Variants in PDE4DIP observed in about 807,000 individuals in gnomAD.
PDE4DIP encodes the protein phosphodiesterase 4D interacting protein, also known as myomegalin.
PDE4DIP carries 59 observed loss-of-function variants against 221.4 expected under a neutral mutation model. That is an observed-to-expected ratio of 0.27 (90% confidence interval 0.22 to 0.33). The LOEUF (loss-of-function observed/expected upper bound fraction) is 0.33. Among genes scored for constraint, PDE4DIP ranks in the 10% least tolerant of loss-of-function variants. The probability of loss-of-function intolerance (pLI) is 1.00; values close to 1 mark genes in which losing one functional copy is unlikely to be tolerated. For synonymous variants in PDE4DIP, 404 were observed against 815.9 expected (o/e 0.50, Z 8.60); for missense variants, 1,036 against 2,154.2 (o/e 0.48, Z 10.28).
At chr1:148,981,191 A>G in intron 20 of PDE4DIP, 79 bp from the exon 24 acceptor site, 1 of 1,371,322 alleles carries the variant, frequency 7.3e-7, no homozygotes, top group Non-Finnish European at 1.0e-6. Context: ...AGTGGTATTG[A>G]TGGTTCTTTG....
intron 9 of PDE4DIP, among the ~76,000 whole-genome samples, chr1:148,964,548 C>A (rs1553516148): frequency 6.7e-6 from 1 of 149,366 alleles, no homozygotes; most frequent in African/African-American, 2.5e-5. Context: ...TTTGAAGGAT[C>A]TCCCTGGTTT....
chr1:148,861,587 G>A (rs1553400950), intron 1 of PDE4DIP, among the ~76,000 whole-genome samples: 1 of 71,634 alleles, frequency 1.4e-5, no homozygotes, highest in African/African-American at 7.4e-5. Flanking sequence ...GTGGTGAGCC[G>A]AGATCGTGCC....
chr1:148,936,629 C>G (rs1404884099), intron 4 of PDE4DIP, among the ~76,000 whole-genome samples: 5 of 152,132 alleles, frequency 3.3e-5, no homozygotes, highest in Non-Finnish European at 5.9e-5. Context: ...ATGTGAAGGC[C>G]TAAAACACAT....
intron 1 of PDE4DIP, among the ~76,000 whole-genome samples, chr1:148,923,970 C>G (rs686585): frequency 0.01 from 1,441 of 138,570 alleles, 7 homozygotes; most frequent in South Asian, 0.038. Flanking sequence ...GTTTACTTAT[C>G]CTGAAATTCC....
chr1:148,959,076 A>G (rs1450396570), intron 5 of PDE4DIP, among the ~76,000 whole-genome samples: 4 of 152,116 alleles, frequency 2.6e-5, no homozygotes, highest in Admixed American at 6.5e-5. Context: ...ACTCTGTATT[A>G]TGCTTTCCTG....
intron 21 of PDE4DIP, among the ~76,000 whole-genome samples, chr1:148,990,545 TTCTG>T (rs1189633925): frequency 4.6e-5 from 7 of 151,940 alleles, no homozygotes; most frequent in African/African-American, 1.7e-4. Context: ...AGTGAGTGGC[TTCTG>T]TCTAAGAGTC....
chr1:149,017,594 T>C, intron 33 of PDE4DIP, 154 bp from the exon 37 acceptor site: 1 of 568,354 alleles, frequency 1.8e-6, no homozygotes, highest in Non-Finnish European at 3.1e-6. Context: ...AAAACTACCA[T>C]TCTTTTGGGT....
intron 5 of PDE4DIP, among the ~76,000 whole-genome samples, chr1:148,941,064 T>C (rs1417644787): frequency 1.0e-5 from 1 of 98,644 alleles, no homozygotes; most frequent in Non-Finnish European, 2.0e-5. Context: ...AAATGCTCTC[T>C]AGGAGATGAG....
chr1:149,006,298 C>G (rs1270771111), intron 27 of PDE4DIP: 1 of 152,130 alleles, frequency 6.6e-6, no homozygotes, highest in Non-Finnish European at 1.5e-5. Flanking sequence ...GTAATAACCA[C>G]TCTAAAACTT....
At chr1:148,865,017 G>C (rs1685973231) in intron 2 of PDE4DIP, among the ~76,000 whole-genome samples, 1 of 137,180 alleles carries the variant, frequency 7.3e-6, no homozygotes. Flanking sequence ...TGTTTTATCA[G>C]ATTATCTTCC....
chr1:149,009,939 C>A, intron 30 of PDE4DIP, 148 bp downstream of exon 33: 2 of 684,664 alleles, frequency 2.9e-6, no homozygotes, highest in Non-Finnish European at 5.2e-6. Flanking sequence ...GGATCAGGAT[C>A]TTTGCTCTGC....
intron 23 of PDE4DIP, among the ~76,000 whole-genome samples, chr1:148,998,803 C>CTTG (rs2064931189): frequency 6.6e-6 from 1 of 150,548 alleles, no homozygotes; most frequent in Non-Finnish European, 1.5e-5. Context: ...GTGGCAAGAT[C>CTTG]TTGGCTCACT....
chr1:149,015,873 G>A (rs1268068371), intron 32 of PDE4DIP, among the ~76,000 whole-genome samples: 2 of 152,018 alleles, frequency 1.3e-5, no homozygotes, highest in Non-Finnish European at 2.9e-5. Flanking sequence ...AGTTTCAGGG[G>A]AAGGCAAGTA....
At chr1:148,822,756 G>T (rs1426231019) in intron 1 of PDE4DIP, among the ~76,000 whole-genome samples, 19 of 119,280 alleles carry the variant, frequency 1.6e-4, no homozygotes, top group African/African-American at 5.0e-4. Context: ...TCTCATGGCA[G>T]CAACATTATC....
intron 21 of PDE4DIP, among the ~76,000 whole-genome samples, chr1:148,988,230 A>C (rs587657491): frequency 1.1e-4 from 16 of 151,602 alleles, no homozygotes; most frequent in Admixed American, 4.6e-4. Flanking sequence ...GTGGCCTTCA[A>C]CTTTCTCAGT....
At chr1:148,820,555 CAAAAAAA>C (rs148261220) in intron 1 of PDE4DIP, among the ~76,000 whole-genome samples, 8 of 39,364 alleles carry the variant, frequency 2.0e-4, no homozygotes, top group South Asian at 1.8e-3. Context: ...AACTCCATCT[CAAAAAAA>C]AAAAAAAAAA....
chr1:149,010,459 G>A (rs782439920), exon 31 of PDE4DIP: 55 of 1,612,868 alleles, frequency 3.4e-5, no homozygotes, highest in African/African-American at 4.0e-5. Context: ...TCCATCATTC[G>A]AGTCATTCTG....
rs1200558941 is a variant in PDE4DIP at position 148,968,049 on chromosome 1, A to AT, written c.1785+154dup. 3,292 of 416,742 alleles carry AT rather than the reference A, an allele frequency of 7.9e-3. 3 individuals are homozygous for AT. The highest frequency in any genetic ancestry group is 9.6e-3 in the South Asian group (158 of 16,484). 25.8% of individuals were successfully genotyped at this position (416,742 alleles called of 1,614,324 possible). A position where few individuals can be genotyped will look rare whatever the true frequency, so the allele number is the denominator to read the frequency against. ...GGGCAAGTCATTGACTTTCACTGGG[A>AT]TTTTTTTTTTCCCCACGTCTAGAAA... On this transcript the variant is annotated intron_variant, in intron 13 of 43. Transcript: ENST00000369354.
chr1:149,029,355 C>G (rs369298721), intron 41 of PDE4DIP, among the ~76,000 whole-genome samples: 2 of 152,176 alleles, frequency 1.3e-5, no homozygotes, highest in African/African-American at 2.4e-5. Flanking sequence ...GGGTGTTTTG[C>G]CATCTTCATG....
Sources: allele counts gnomAD v4.1 joint callset (sites outside exome capture counted in the v4.1 genomes callset), GRCh38; gene constraint gnomAD v4.1.1; transcripts MANE v1.5; gene names NCBI Gene and HGNC (gene_info 2026-07-23, HGNC 2026-07-21).